IFT80: variants seen among roughly 807,000 people sequenced by gnomAD.
IFT80 encodes intraflagellar transport 80.
Under a neutral mutation model 107.9 loss-of-function variants are expected in IFT80, and 79 were observed. That is an observed-to-expected ratio of 0.73 (90% CI 0.61 to 0.88). The LOEUF (loss-of-function observed/expected upper bound fraction) is 0.88. Ranked by LOEUF, IFT80 falls within the 40% of genes least tolerant of loss-of-function variation. IFT80 has a pLI of 0.00. For missense variants in IFT80, 797 were observed against 914.2 expected (o/e 0.87, Z 1.65); for synonymous variants, 299 against 300.9 (o/e 0.99, Z 0.07).
intron 1 of IFT80, among the ~76,000 whole-genome samples, chr3:160,393,260 G>C (rs566243313): frequency 2.3e-4 from 35 of 152,182 alleles, no homozygotes; most frequent in African/African-American, 7.7e-4. Context: ...GTTCATTACA[G>C]AACTCTGAAA....
chr3:160,350,647 T>G (rs1047706436), intron 8 of IFT80, among the ~76,000 whole-genome samples: 1 of 151,930 alleles, frequency 6.6e-6, no homozygotes, highest in African/African-American at 2.4e-5. Flanking sequence ...AAGCCCCACC[T>G]CTACTAAAAA....
At position 160,377,415 on chromosome 3, in the gene IFT80, T is replaced by C. The variant is rs764462338; in HGVS notation, c.370+15A>G. 1.4e-6 allele frequency: 2 copies of C among 1,425,934 alleles called. No homozygotes were observed. The highest frequency in any genetic ancestry group is 2.3e-5 in the South Asian group (2 of 86,940). 88.3% of individuals were successfully genotyped at this position (1,425,934 alleles called of 1,614,324 possible). On this transcript the variant is annotated intron_variant, in intron 4 of 19. Transcript: ENST00000326448. ...AAAATATTCATTTCAAATGTCATTT[T>C]TACAGACAACTTACCTGTAACTAAT... is the stretch of plus-strand genomic sequence containing the variant.
intron 2 of IFT80, among the ~76,000 whole-genome samples, chr3:160,383,281 A>C (rs1345374264): frequency 6.6e-6 from 1 of 152,260 alleles, no homozygotes; most frequent in Non-Finnish European, 1.5e-5. Flanking sequence ...GACAGTAGAC[A>C]TGGTCAAAAT....
At chr3:160,348,075 T>C (rs1322386617) in intron 8 of IFT80, among the ~76,000 whole-genome samples, 1 of 152,226 alleles carries the variant, frequency 6.6e-6, no homozygotes, top group African/African-American at 2.4e-5. Flanking sequence ...TAGGTCATTA[T>C]TAATCTTTTC....
intron 1 of IFT80, among the ~76,000 whole-genome samples, chr3:160,398,782 T>A (rs1053525757): frequency 6.6e-6 from 1 of 152,212 alleles, no homozygotes; most frequent in Non-Finnish European, 1.5e-5. Context: ...GATAATTTCC[T>A]CATAAAAATA....
At chr3:160,379,144 C>T (rs999352349) in intron 3 of IFT80, among the ~76,000 whole-genome samples, 7 of 152,052 alleles carry the variant, frequency 4.6e-5, no homozygotes, top group African/African-American at 1.2e-4. Context: ...TCTGATGCCC[C>T]GAGTATTCCT....
Position 160,381,725 on chromosome 3 carries a change from G to C in IFT80, c.38-1C>G, listed in dbSNP as rs779785603. ...CCCACACAGCTTACTAATTCTTGAT[G>C]TGTCACCATGTTAAAGAGACATAAA... On this transcript the variant is annotated splice_acceptor_variant, in intron 2 of 19. Transcript: ENST00000326448. LOFTEE classifies it high-confidence loss of function. The C allele has an allele frequency of 2.9e-5, 46 of 1,607,850 alleles. No individual in the cohort carries two copies. The highest frequency in any genetic ancestry group is 3.7e-5 in the Non-Finnish European group (44 of 1,176,122).
Position 160,285,811 on chromosome 3 carries a change from G to A in IFT80, c.1373C>T (p.Ser458Phe). 6.2e-7 allele frequency: 1 copy of A among 1,605,010 alleles called. No homozygotes were observed. Among genetic ancestry groups the A allele is most frequent in the Non-Finnish European group, 8.5e-7 (1 of 1,172,656 alleles). Residue 458 changes from serine to phenylalanine, a missense_variant, in exon 13 of 20, where the codon TCT becomes TTT. By Grantham distance (155) the Ser-to-Phe change is radical (BLOSUM62 -2). Transcript: ENST00000326448. Reference protein sequence around the residue: ...GKPLGDGKFLSHKNEILEIAL... With the variant: ...GKPLGDGKFLFHKNEILEIAL... The stretch of plus-strand genomic sequence containing the variant: ...GTAGTTAATGTCCATTACCTTATGA[G>A]AAAGAAACTTTCCATCACCTAACGG...
intron 5 of IFT80, among the ~76,000 whole-genome samples, chr3:160,369,963 TTG>T (rs1722120447): frequency 6.6e-6 from 1 of 152,062 alleles, no homozygotes; most frequent in Admixed American, 6.6e-5. Flanking sequence ...GCACCTGGGG[TTG>T]TGTTAAATGT....
intron 19 of IFT80, among the ~76,000 whole-genome samples, chr3:160,259,116 A>G (rs1419233682): frequency 2.6e-5 from 4 of 152,184 alleles, no homozygotes; most frequent in African/African-American, 4.8e-5. Flanking sequence ...CTCAAAAAAA[A>G]CAAAAACAAA....
chr3:160,292,791 T>C (rs953620485), intron 12 of IFT80, among the ~76,000 whole-genome samples: 1 of 152,182 alleles, frequency 6.6e-6, no homozygotes, highest in Non-Finnish European at 1.5e-5. Context: ...GACGCTGGTA[T>C]GGCAAAACAC....
rs1721258200 is a variant in IFT80, at chr3:160,358,419, G to A, written c.550-841C>T. Among the ~76,000 whole-genome samples, 2 of 151,796 alleles carry A rather than the reference G, an allele frequency of 1.3e-5. 1 individual carries two copies. The highest frequency in any genetic ancestry group is 4.2e-4 in the South Asian group (2 of 4,818). On this transcript the variant is annotated intron_variant, in intron 6 of 19. Transcript: ENST00000326448. ...TAAGTTTCATTCACTTTATCTTCAT[G>A]TGTCTGGTTTACAACTGGACTACTC... is the stretch of plus-strand genomic sequence containing the variant.
At chr3:160,381,266 T>TATATATATATATATATATA (rs1553766638) in intron 3 of IFT80, among the ~76,000 whole-genome samples, 18 of 70,668 alleles carry the variant, frequency 2.5e-4, no homozygotes, top group Non-Finnish European at 5.1e-4. Flanking sequence ...ATATATATAT[T>TATATATATATATATATATA]AAAGCCAAAG....
At chr3:160,287,103 C>T (rs930536455) in intron 12 of IFT80, among the ~76,000 whole-genome samples, 4 of 152,138 alleles carry the variant, frequency 2.6e-5, no homozygotes, top group African/African-American at 4.8e-5. Context: ...AAATTCTGAA[C>T]GCCAAAGCTC....
At position 160,258,308 on chromosome 3, in the gene IFT80, T is replaced by C; in HGVS notation, c.*217A>G. Reference sequence around the variant, plus strand: ...CAGGTATCTCTTAAGTACATAGTAATATTTTGCTAATTATTGGACTAAAAA... The same window carrying C: ...CAGGTATCTCTTAAGTACATAGTAACATTTTGCTAATTATTGGACTAAAAA... On this transcript the variant is annotated 3_prime_UTR_variant, in exon 20 of 20. Coordinates refer to ENST00000326448, the MANE Select transcript of IFT80 (RefSeq NM_020800.3). 1.6e-6 allele frequency: 1 copy of C among 624,312 alleles called. No homozygotes were observed. The highest frequency in any genetic ancestry group is 2.7e-6 in the Non-Finnish European group (1 of 366,012). 38.7% of individuals were successfully genotyped at this position (624,312 alleles called of 1,614,324 possible).
rs151186513 is a variant in IFT80, at chr3:160,298,339, A to G, written c.1315+2544T>C. Among the ~76,000 whole-genome samples the G allele has an allele frequency of 3.9e-3, 598 of 152,320 alleles. 2 individuals are homozygous for G. The highest frequency in any genetic ancestry group is 0.024 in the East Asian group (125 of 5,192). Reference sequence around the variant, plus strand: ...TAATTTTTTTAAAAAAGGAACATACAAAATATTTTCCCCTCATTTTAAGTT... The same window carrying G: ...TAATTTTTTTAAAAAAGGAACATACGAAATATTTTCCCCTCATTTTAAGTT... On this transcript the variant is annotated intron_variant, in intron 12 of 19. Transcript: ENST00000326448.
intron 8 of IFT80, among the ~76,000 whole-genome samples, chr3:160,322,445 T>G (rs1576807371): frequency 6.6e-6 from 1 of 152,172 alleles, no homozygotes; most frequent in East Asian, 1.9e-4. Context: ...TTGTTGGACA[T>G]TTGGGTTGGT....
At chr3:160,268,779 A>T in intron 18 of IFT80, 1 of 469,620 alleles carries the variant, frequency 2.1e-6, no homozygotes, top group African/African-American at 2.0e-5. Context: ...TATCTTATCT[A>T]TGCTTCATAC....
At chr3:160,328,006 G>A (rs940493838) in intron 8 of IFT80, among the ~76,000 whole-genome samples, 1 of 151,752 alleles carries the variant, frequency 6.6e-6, no homozygotes, top group Non-Finnish European at 1.5e-5. Context: ...ACAAACAACC[G>A]CATTAAAAAG....
Sources: gnomAD v4.1 joint callset for allele counts (sites outside exome capture counted in the v4.1 genomes callset) on GRCh38, gnomAD v4.1.1 for gene constraint, MANE v1.5 for transcripts, NCBI Gene and HGNC (gene_info 2026-07-23, HGNC 2026-07-21) for gene names.